FAT4: variants seen among roughly 807,000 people sequenced by gnomAD.
FAT4 encodes protocadherin Fat 4.
In FAT4, 84 loss-of-function variants were observed where a neutral mutation model predicts 303.9. That is an observed-to-expected ratio of 0.28 (90% CI 0.23 to 0.33). The LOEUF is 0.33. Ranked by LOEUF, FAT4 falls within the 10% of genes least tolerant of loss-of-function variation. The probability of loss-of-function intolerance (pLI) is 1.00; values close to 1 mark genes in which losing one functional copy is unlikely to be tolerated. For synonymous variants in FAT4, 2,307 were observed against 2,298.8 expected (o/e 1.00, Z -0.10); for missense variants, 6,005 against 6,146.8 (o/e 0.98, Z 0.77).
In FAT4 at chr4:125,490,635, A is replaced by G. The variant is rs912788214; in HGVS notation, c.13819A>G (p.Ile4607Val). 3 of 1,614,104 alleles carry G rather than the reference A, an allele frequency of 1.9e-6. No individual in the cohort carries two copies. The highest frequency in any genetic ancestry group is 2.5e-6 in the Non-Finnish European group (3 of 1,180,032). The change falls in exon 18 of 18, where the codon ATC (isoleucine) becomes GTC (valine). Residue 4607 changes from isoleucine to valine, a missense_variant. By Grantham distance (29) the Ile-to-Val change is conservative. Transcript: ENST00000394329. The stretch of plus-strand genomic sequence containing the variant: ...TGATATTCCTCACAACTCAGAAACC[A>G]TCCCCAGCGCCCCTTTGGCATCTCC... ...ETDIPHNSET[I>V]PSAPLASPEQ...
chr4:125,414,948 C>T lies in FAT4; in HGVS notation c.5985C>T (p.Asp1995=). The change falls in exon 6 of 18, where the codon GAC becomes GAT. Residue 1995 remains aspartate (D), a synonymous_variant. Coordinates refer to ENST00000394329, the MANE Select transcript of FAT4 (RefSeq NM_001291303.3). ...ATAGCCTTGGGCAGTTTACTGTTGA[C>T]AAGAATGGTGTACTCAAAGTCCTAA... The part of the protein sequence containing the change: ...SGDSLGQFTV[D]KNGVLKVLKA... 6.2e-7 allele frequency: 1 copy of T among 1,613,712 alleles called. No homozygotes were observed. The highest frequency in any genetic ancestry group is 2.2e-5 in the East Asian group (1 of 44,856).
chr4:125,408,472 G>A lies in FAT4; in HGVS notation c.5598G>A (p.Thr1866=), dbSNP rs370130221. 33 of 1,600,116 alleles carry A rather than the reference G, an allele frequency of 2.1e-5. No homozygotes were observed. Among genetic ancestry groups the A allele is most frequent in the Middle Eastern group, 1.7e-4 (1 of 5,970 alleles). ...CTTTGGTAGCAGCCATTTTAGCCAC[G>A]GATGATGACTCTGGTGTGAATGGAG... ...PGSLVAAILA[T]DDDSGVNGEI... The change falls in exon 5 of 18, where the codon ACG becomes ACA. Residue 1866 remains threonine, a synonymous_variant. Transcript: ENST00000394329.
intron 4 of FAT4, 150 bp downstream of exon 4, chr4:125,407,291 C>A: frequency 1.3e-6 from 1 of 750,852 alleles, no homozygotes; most frequent in Non-Finnish European, 2.0e-6. Context: ...TGGATCTTTT[C>A]ATTAACGATC....
rs183060733 is a variant in FAT4 at position 125,336,723 on chromosome 4, T to C, written c.5175+15137T>C. Among the ~76,000 whole-genome samples, 110 of 152,088 alleles carry C rather than the reference T, an allele frequency of 7.2e-4. 1 individual carries two copies. The highest frequency in any genetic ancestry group is 1.6e-4 in the Non-Finnish European group (11 of 67,874). On this transcript the variant is annotated intron_variant, in intron 2 of 17. Coordinates refer to ENST00000394329, the MANE Select transcript of FAT4 (RefSeq NM_001291303.3). ...TGGTTGTGCTTTTTTGAGTAAGTGGTCTTAGTTGTATTTTAATAGAGGAAA... is the reference window on the plus strand; with the variant it reads ...TGGTTGTGCTTTTTTGAGTAAGTGGCCTTAGTTGTATTTTAATAGAGGAAA...
chr4:125,346,460 C>T (rs1240656906), intron 2 of FAT4, among the ~76,000 whole-genome samples: 1 of 151,780 alleles, frequency 6.6e-6, no homozygotes, highest in African/African-American at 2.4e-5. Context: ...TTTTCTTCCA[C>T]ATGATTAGAC....
chr4:125,320,580 T>C lies in FAT4; in HGVS notation c.4169T>C (p.Ile1390Thr), dbSNP rs201934636. The change falls in exon 2 of 18, where the codon ATA becomes ACA. Residue 1390 changes from isoleucine to threonine, a missense_variant. Transcript: ENST00000394329. ...ACACAGTCTTTGTATAAATTAAATATAACAGCAAAAGACCAAGGAAGACCT... is the reference window on the plus strand; with the variant it reads ...ACACAGTCTTTGTATAAATTAAATACAACAGCAAAAGACCAAGGAAGACCT... The part of the protein sequence containing the change: ...FETQSLYKLN[I>T]TAKDQGRPPR... 594 of 1,614,036 alleles carry C rather than the reference T, an allele frequency of 3.7e-4. No homozygotes were observed. The highest frequency in any genetic ancestry group is 4.9e-4 in the Non-Finnish European group (574 of 1,179,926).
intron 2 of FAT4, chr4:125,393,819 C>A: frequency 1.8e-6 from 1 of 545,142 alleles, no homozygotes; most frequent in Non-Finnish European, 3.4e-6. Context: ...TGGTTATTAG[C>A]TCCTTTAATC....
Position 125,481,649 on chromosome 4 carries a change from G to A in FAT4, c.12733G>A (p.Val4245Met). 1 of 1,614,054 alleles carries A rather than the reference G, an allele frequency of 6.2e-7. No individual in the cohort carries two copies. Among genetic ancestry groups the A allele is most frequent in the Non-Finnish European group, 8.5e-7 (1 of 1,179,942 alleles). The change falls in exon 16 of 18, where the codon GTG (valine) becomes ATG (methionine). Residue 4245 changes from valine (V) to methionine (M), a missense_variant. By Grantham distance (21) the Val-to-Met change is conservative. Transcript: ENST00000394329. ...LRGAMLEPFG[V>M]NSLEVKFRTR... Reference sequence around the variant, plus strand: ...AGGTGCCATGTTGGAGCCTTTTGGTGTGAACAGTCTGGAAGTAAAATTTAG... The same window carrying A: ...AGGTGCCATGTTGGAGCCTTTTGGTATGAACAGTCTGGAAGTAAAATTTAG...
chr4:125,356,559 T>C (rs1187224431), intron 2 of FAT4, among the ~76,000 whole-genome samples: 1 of 149,224 alleles, frequency 6.7e-6, no homozygotes, highest in East Asian at 2.0e-4. Flanking sequence ...GTTTTTTTTT[T>C]TTTTTTGCCA....
intron 10 of FAT4, among the ~76,000 whole-genome samples, chr4:125,457,212 G>A (rs1726314055): frequency 6.6e-6 from 1 of 151,742 alleles, no homozygotes; most frequent in African/African-American, 2.4e-5. Flanking sequence ...AGAGTAAGTG[G>A]CTTATGAGTT....
chr4:125,418,381 A>G (rs1735154698), intron 7 of FAT4, among the ~76,000 whole-genome samples: 1 of 152,090 alleles, frequency 6.6e-6, no homozygotes, highest in Non-Finnish European at 1.5e-5. Context: ...TCAATGTGGG[A>G]GGGAGAAAAC....
intron 17 of FAT4, among the ~76,000 whole-genome samples, chr4:125,487,871 GGTT>G (rs1727467098): frequency 1.3e-5 from 2 of 152,232 alleles, no homozygotes; most frequent in South Asian, 4.1e-4. Flanking sequence ...TTCTTACCAA[GGTT>G]GTAATTCAGT....
At chr4:125,377,115 T>C (rs1009538823) in intron 2 of FAT4, among the ~76,000 whole-genome samples, 1 of 152,156 alleles carries the variant, frequency 6.6e-6, no homozygotes, top group East Asian at 1.9e-4. Flanking sequence ...TGGGGTTTCA[T>C]ATAAATGACA....
intron 2 of FAT4, among the ~76,000 whole-genome samples, chr4:125,347,169 A>C (rs1732036215): frequency 6.6e-6 from 1 of 151,204 alleles, no homozygotes; most frequent in South Asian, 2.1e-4. Flanking sequence ...CAAACCATAG[A>C]TATATATTAC....
intron 8 of FAT4, among the ~76,000 whole-genome samples, chr4:125,437,936 A>G (rs1725517081): frequency 6.6e-6 from 1 of 152,204 alleles, no homozygotes; most frequent in Admixed American, 6.5e-5. Flanking sequence ...GAATAGCACC[A>G]GGAACAAAAA....
At chr4:125,338,004 C>T (rs1354257086) in intron 2 of FAT4, among the ~76,000 whole-genome samples, 1 of 152,140 alleles carries the variant, frequency 6.6e-6, no homozygotes, top group East Asian at 1.9e-4. Context: ...TATCCATTCA[C>T]TTCTCTCTCA....
chr4:125,378,875 G>T (rs1287576625), intron 2 of FAT4, among the ~76,000 whole-genome samples: 2 of 152,130 alleles, frequency 1.3e-5, no homozygotes, highest in African/African-American at 4.8e-5. Context: ...TTCCTAAAGG[G>T]AAATTCCACT....
Position 125,317,247 on chromosome 4 carries a change from A to C in FAT4, c.836A>C (p.Glu279Ala). Residue 279 changes from glutamate to alanine, a missense_variant, in exon 2 of 18, where the codon GAG becomes GCG. Physicochemically the swap from Glu to Ala is moderately radical, Grantham distance 107 (BLOSUM62 -1). Coordinates refer to ENST00000394329, the MANE Select transcript of FAT4 (RefSeq NM_001291303.3). The surrounding 1 kb of genome is among the most constrained non-coding windows in gnomAD (Gnocchi z 7.0). ...CAGGTGGCGGCGGCGGACGCGGACG[A>C]GGGCACCAACGCGGACATCCGCTAT... ...VLQVAAADAD[E>A]GTNADIRYRL... is the part of the protein sequence containing the mutation. 2 of 1,579,768 alleles carry C rather than the reference A, an allele frequency of 1.3e-6. No individual in the cohort carries two copies. The highest frequency in any genetic ancestry group is 2.3e-5 in the South Asian group (2 of 86,116).
chr4:125,480,972 AT>A (rs34835715), intron 15 of FAT4, among the ~76,000 whole-genome samples: 1 of 151,992 alleles, frequency 6.6e-6, no homozygotes, highest in Non-Finnish European at 1.5e-5. Context: ...TGGAATGTGG[AT>A]TTTTTTCAGA....
Sources: allele counts gnomAD v4.1 joint callset (sites outside exome capture counted in the v4.1 genomes callset), GRCh38; gene constraint gnomAD v4.1.1; non-coding constraint Gnocchi (gnomAD v3.1); transcripts MANE v1.5; gene names NCBI Gene and HGNC (gene_info 2026-07-23, HGNC 2026-07-21).